WDR59: variants seen among roughly 807,000 people sequenced by gnomAD.
WDR59 encodes WD repeat domain 59.
Under a neutral mutation model 131.2 loss-of-function variants are expected in WDR59, and 100 were observed. That is an observed-to-expected ratio of 0.76 (90% CI 0.65 to 0.90). WDR59 has a LOEUF of 0.90. Ranked by LOEUF, WDR59 falls within the 40% of genes least tolerant of loss-of-function variation. The probability of loss-of-function intolerance (pLI) is 0.00; values close to 1 mark genes in which losing one functional copy is unlikely to be tolerated. For missense variants in WDR59, 1,203 were observed against 1,262.2 expected (o/e 0.95, Z 0.71); for synonymous variants, 601 against 466.2 (o/e 1.29, Z -3.72).
intron 8 of WDR59, among the ~76,000 whole-genome samples, chr16:74,931,354 G>A (rs1439438345): frequency 6.6e-6 from 1 of 151,394 alleles, no homozygotes; most frequent in Non-Finnish European, 1.5e-5. Context: ...TTTCTTTTTT[G>A]AGAGATGGTA....
intron 10 of WDR59, among the ~76,000 whole-genome samples, chr16:74,921,208 T>G (rs758273796): frequency 6.6e-6 from 1 of 152,106 alleles, no homozygotes; most frequent in African/African-American, 2.4e-5. Flanking sequence ...CTAAGCCTAG[T>G]ACCCAATGGT....
chr16:74,914,418 T>G (rs901676426), intron 13 of WDR59, among the ~76,000 whole-genome samples: 1 of 152,168 alleles, frequency 6.6e-6, no homozygotes, highest in African/African-American at 2.4e-5. Flanking sequence ...TTTCTTGTGT[T>G]GCCAACTAGA....
At chr16:74,881,212 T>C (rs1964464910) in intron 25 of WDR59, among the ~76,000 whole-genome samples, 1 of 152,184 alleles carries the variant, frequency 6.6e-6, no homozygotes, top group South Asian at 2.1e-4. Context: ...AAATATTGAA[T>C]CCCAATGAAA....
intron 17 of WDR59, chr16:74,904,358 C>A: frequency 2.5e-6 from 1 of 405,148 alleles, no homozygotes; most frequent in Non-Finnish European, 4.5e-6. Context: ...ACAAGGTCAA[C>A]CTACAAATAT....
chr16:74,984,715 G>A (rs1440842231), intron 1 of WDR59: 1 of 564,930 alleles, frequency 1.8e-6, no homozygotes, highest in Non-Finnish European at 3.2e-6. Context: ...CTGCCTCAGT[G>A]TCACAAGGCG....
At chr16:74,952,654 A>G (rs2033072089) in intron 3 of WDR59, among the ~76,000 whole-genome samples, 1 of 151,714 alleles carries the variant, frequency 6.6e-6, no homozygotes, top group African/African-American at 2.4e-5. Flanking sequence ...ACTTAAATAC[A>G]CAACAAAACA....
At chr16:74,959,775 AAAAGG>A (rs2033472748) in intron 2 of WDR59, among the ~76,000 whole-genome samples, 1 of 151,236 alleles carries the variant, frequency 6.6e-6, no homozygotes, top group Admixed American at 6.6e-5. Context: ...ACAGAAAAAG[AAAAGG>A]AAAGAAAAAA....
chr16:74,979,561 A>G (rs2034317477), intron 1 of WDR59, among the ~76,000 whole-genome samples: 1 of 151,264 alleles, frequency 6.6e-6, no homozygotes, highest in Non-Finnish European at 1.5e-5. Context: ...TTTTTTTCAG[A>G]TGGAGTCTCG....
chr16:74,975,488 C>A lies in WDR59; in HGVS notation c.54+9476G>T, dbSNP rs569289133. ...GACTAGCCTGGCCAACATGGTAAAA[C>A]CCCGTCTCTACTAAAAATACAAAAA... On this transcript the variant is annotated intron_variant, in intron 1 of 25. Coordinates refer to ENST00000262144, the MANE Select transcript of WDR59 (RefSeq NM_030581.4). Among the ~76,000 whole-genome samples, 34 of 151,796 alleles carry A rather than the reference C, an allele frequency of 2.2e-4. No homozygotes were observed. The South Asian group carries it at 5.8e-3, about 26-fold the overall frequency.
At chr16:74,920,303 G>C (rs970618177) in intron 10 of WDR59, among the ~76,000 whole-genome samples, 1 of 152,162 alleles carries the variant, frequency 6.6e-6, no homozygotes, top group African/African-American at 2.4e-5. Flanking sequence ...CTTTGTATTA[G>C]AGGATTTAGC....
chr16:74,959,872 CA>C (rs1172253497), intron 2 of WDR59, among the ~76,000 whole-genome samples: 1 of 148,238 alleles, frequency 6.7e-6, no homozygotes. Flanking sequence ...AGAAGAAATT[CA>C]AAGGAAACGG....
intron 8 of WDR59, among the ~76,000 whole-genome samples, chr16:74,936,289 C>A (rs998409071): frequency 1.6e-4 from 24 of 151,884 alleles, no homozygotes; most frequent in African/African-American, 5.1e-4. Flanking sequence ...TCTGATATTT[C>A]TTTATATTTC....
intron 18 of WDR59, among the ~76,000 whole-genome samples, chr16:74,897,037 C>A (rs919629772): frequency 6.6e-6 from 1 of 152,208 alleles, no homozygotes; most frequent in Non-Finnish European, 1.5e-5. Flanking sequence ...TAAATAAATT[C>A]TAAGCTCCCT....
Position 74,967,191 on chromosome 16 carries a change from CAAG to C in WDR59, c.55-1372_55-1370del, listed in dbSNP as rs575019770. ...GAAACATCACAAGTAACATTGGGGA[CAAG>C]AAGCCAGAGTACTCTCACCGGAGGC... On this transcript the variant is annotated intron_variant, in intron 1 of 25. Transcript: ENST00000262144. Among the ~76,000 whole-genome samples the C allele has an allele frequency of 3.9e-5, 6 of 152,252 alleles. No individual in the cohort carries two copies. The East Asian group carries it at 1.2e-3, about 29-fold the overall frequency.
chr16:74,980,277 T>C (rs1467440003), intron 1 of WDR59, among the ~76,000 whole-genome samples: 1 of 151,562 alleles, frequency 6.6e-6, no homozygotes, highest in Non-Finnish European at 1.5e-5. Context: ...CATTGTTTCA[T>C]AAAATAAATG....
chr16:74,883,598 T>C (rs543360772), intron 25 of WDR59, among the ~76,000 whole-genome samples: 54 of 152,332 alleles, frequency 3.5e-4, no homozygotes, highest in Non-Finnish European at 7.1e-4. Flanking sequence ...TCCACTACAT[T>C]TGGCAGCCTT....
chr16:74,979,976 G>A (rs2034338570), intron 1 of WDR59, among the ~76,000 whole-genome samples: 1 of 150,534 alleles, frequency 6.6e-6, no homozygotes, highest in Non-Finnish European at 1.5e-5. Flanking sequence ...AGCCTCCCGA[G>A]TAGCTGGGAT....
intron 1 of WDR59, among the ~76,000 whole-genome samples, chr16:74,973,012 C>T (rs887071124): frequency 2.0e-5 from 3 of 151,662 alleles, no homozygotes; most frequent in African/African-American, 7.3e-5. Context: ...GCGGGCAGAT[C>T]ACCTGAGGTC....
rs759260011 is a variant in WDR59 at position 74,912,256 on chromosome 16, G to A, written c.1331C>T (p.Ser444Phe). The A allele has an allele frequency of 1.9e-6, 3 of 1,614,188 alleles. No homozygotes were observed. Among genetic ancestry groups the A allele is most frequent in the Non-Finnish European group, 2.5e-6 (3 of 1,180,030 alleles). Reference protein sequence around the residue: ...PAQYPNNAAPSFQFINPTTIT... With the variant: ...PAQYPNNAAPFFQFINPTTIT... ...GGTTGTGGGGTTAATAAACTGGAAGGAAGGGGCGGCGTTGTTTGGGTACTG... is the reference window on the plus strand; with the variant it reads ...GGTTGTGGGGTTAATAAACTGGAAGAAAGGGGCGGCGTTGTTTGGGTACTG... Residue 444 changes from serine to phenylalanine, a missense_variant, in exon 14 of 26, where the codon TCC becomes TTC. Coordinates refer to ENST00000262144, the MANE Select transcript of WDR59 (RefSeq NM_030581.4).
Sources: gnomAD v4.1 joint callset for allele counts (sites outside exome capture counted in the v4.1 genomes callset) on GRCh38, gnomAD v4.1.1 for gene constraint, MANE v1.5 for transcripts, NCBI Gene and HGNC (gene_info 2026-07-23, HGNC 2026-07-21) for gene names.